ADGRL3: variants seen among roughly 807,000 people sequenced by gnomAD.
ADGRL3 encodes adhesion G protein-coupled receptor L3, also known as calcium-independent alpha-latrotoxin receptor 3.
Under a neutral mutation model 153.5 loss-of-function variants are expected in ADGRL3, and 62 were observed. That is an observed-to-expected ratio of 0.40 (90% CI 0.33 to 0.50). The LOEUF (loss-of-function observed/expected upper bound fraction) is 0.50. Among genes scored for constraint, ADGRL3 ranks in the 20% least tolerant of loss-of-function variants. The pLI, the probability that ADGRL3 is intolerant of heterozygous loss-of-function variation, is 0.47. For synonymous variants in ADGRL3, 710 were observed against 672.5 expected (o/e 1.06, Z -0.86); for missense variants, 1,641 against 1,859.4 (o/e 0.88, Z 2.16).
chr4:61,543,180 GAATC>G (rs1413078133), intron 4 of ADGRL3, among the ~76,000 whole-genome samples: 1 of 115,582 alleles, frequency 8.7e-6, no homozygotes, highest in African/African-American at 3.3e-5. Flanking sequence ...ATCCACATTT[GAATC>G]CCTGGAACCT....
chr4:61,717,780 T>A (rs2096151619), intron 6 of ADGRL3, among the ~76,000 whole-genome samples: 1 of 152,144 alleles, frequency 6.6e-6, no homozygotes, highest in Non-Finnish European at 1.5e-5. Context: ...ACACCTGTAA[T>A]CCCAGCACTT....
chr4:61,972,674 G>GT (rs2099033167), intron 17 of ADGRL3, among the ~76,000 whole-genome samples: 2 of 152,098 alleles, frequency 1.3e-5, no homozygotes, highest in Non-Finnish European at 1.5e-5. Flanking sequence ...CTTTAAAGTA[G>GT]TTTTTTCCAA....
At chr4:61,849,177 C>T (rs939605611) in intron 9 of ADGRL3, among the ~76,000 whole-genome samples, 2 of 152,100 alleles carry the variant, frequency 1.3e-5, no homozygotes, top group Non-Finnish European at 2.9e-5. Context: ...TAAGTTCTAT[C>T]GATCCTTTGC....
At chr4:61,765,297 T>C (rs570265602) in intron 8 of ADGRL3, among the ~76,000 whole-genome samples, 114 of 152,240 alleles carry the variant, frequency 7.5e-4, no homozygotes, top group African/African-American at 2.7e-3. Flanking sequence ...GTTGGTCTGG[T>C]GTCTGGAATG....
At chr4:61,272,029 T>G (rs1485848426) in intron 1 of ADGRL3, among the ~76,000 whole-genome samples, 1 of 152,006 alleles carries the variant, frequency 6.6e-6, no homozygotes, top group African/African-American at 2.4e-5. Context: ...AGTGTTTGAT[T>G]TTGTGAGGTC....
At chr4:61,993,282 T>C (rs1032620022) in intron 19 of ADGRL3, among the ~76,000 whole-genome samples, 1 of 145,426 alleles carries the variant, frequency 6.9e-6, no homozygotes, top group African/African-American at 2.5e-5. Flanking sequence ...TCTTTTTTTC[T>C]TTCTTTCCTT....
At chr4:61,242,524 C>T (rs1755406698) in intron 1 of ADGRL3, among the ~76,000 whole-genome samples, 1 of 151,970 alleles carries the variant, frequency 6.6e-6, no homozygotes, top group African/African-American at 2.4e-5. Context: ...TTAAACATTA[C>T]ATCCCCTATC....
At chr4:62,068,224 T>C in intron 26 of ADGRL3, 41 bp downstream of exon 26, 1 of 1,578,434 alleles carries the variant, frequency 6.3e-7, no homozygotes, top group Non-Finnish European at 8.6e-7. Flanking sequence ...AAATGTAATT[T>C]TTTTTAGTTC....
chr4:61,850,304 G>T (rs1338759981), intron 9 of ADGRL3, among the ~76,000 whole-genome samples: 1 of 151,944 alleles, frequency 6.6e-6, no homozygotes, highest in Non-Finnish European at 1.5e-5. Flanking sequence ...ATATCGGTTG[G>T]TGCAAAACAA....
chr4:61,916,978 A>G lies in ADGRL3; in HGVS notation c.2112+4221A>G, dbSNP rs964540024. ...CAAAAAAAAATAAAAATAAAAATAAATTTATTTATTAGGCATTAATTATGT... is the reference window on the plus strand; with the variant it reads ...CAAAAAAAAATAAAAATAAAAATAAGTTTATTTATTAGGCATTAATTATGT... On this transcript the variant is annotated intron_variant, in intron 13 of 26. Transcript: ENST00000683033. Among the ~76,000 whole-genome samples the G allele has an allele frequency of 2.0e-5, 3 of 152,192 alleles. No homozygotes were observed. The East Asian group carries it at 5.8e-4, about 29-fold the overall frequency.
intron 8 of ADGRL3, among the ~76,000 whole-genome samples, chr4:61,776,245 C>T (rs1243620467): frequency 6.6e-6 from 1 of 152,174 alleles, no homozygotes; most frequent in South Asian, 2.1e-4. Flanking sequence ...CTCTGCACGA[C>T]TCGGCGGCAG....
intron 9 of ADGRL3, among the ~76,000 whole-genome samples, chr4:61,850,258 T>C (rs1361376139): frequency 6.6e-6 from 1 of 152,140 alleles, no homozygotes; most frequent in Non-Finnish European, 1.5e-5. Flanking sequence ...TTTTCTCCAA[T>C]TTATAGGTAT....
chr4:61,270,711 C>T (rs2093123662), intron 1 of ADGRL3, among the ~76,000 whole-genome samples: 1 of 151,638 alleles, frequency 6.6e-6, no homozygotes, highest in Non-Finnish European at 1.5e-5. Context: ...GGAAAATATC[C>T]TCACACCTGC....
At chr4:61,641,210 A>C (rs990359789) in intron 5 of ADGRL3, among the ~76,000 whole-genome samples, 32 of 152,132 alleles carry the variant, frequency 2.1e-4, no homozygotes, top group Non-Finnish European at 3.2e-4. Context: ...TCATGATTAC[A>C]TGATGTGATG....
chr4:61,874,465 A>G (rs1162884404), intron 9 of ADGRL3, among the ~76,000 whole-genome samples: 3 of 152,174 alleles, frequency 2.0e-5, no homozygotes, highest in Admixed American at 1.3e-4. Context: ...TCTATAAGAT[A>G]TAAGCAAGTA....
intron 2 of ADGRL3, among the ~76,000 whole-genome samples, chr4:61,411,683 T>A (rs1391364687): frequency 6.6e-6 from 1 of 152,330 alleles, no homozygotes; most frequent in East Asian, 1.9e-4. Flanking sequence ...CCAGTTCTCT[T>A]AACTTTATTA....
In ADGRL3 at chr4:61,422,802, AATAG is replaced by A. The variant is rs199934489; in HGVS notation, c.-174+39617_-174+39620del. On this transcript the variant is annotated intron_variant, in intron 2 of 26. Coordinates refer to ENST00000683033, the MANE Select transcript of ADGRL3 (RefSeq NM_001387552.1). ...GTGTGAAGCTTCAAGAATATATATAAATAGATAAAAAATATAAATAATATATATT... is the reference window on the plus strand; with the variant it reads ...GTGTGAAGCTTCAAGAATATATATAAATAAAAAATATAAATAATATATATT... 8.3e-3 allele frequency among the ~76,000 whole-genome samples: 1,254 copies of A among 151,394 alleles called. 26 individuals carry two copies. The highest frequency in any genetic ancestry group is 0.029 in the African/African-American group (1,181 of 41,414).
intron 21 of ADGRL3, among the ~76,000 whole-genome samples, chr4:62,002,901 G>C (rs2099145506): frequency 1.3e-5 from 2 of 152,110 alleles, no homozygotes; most frequent in Admixed American, 6.6e-5. Flanking sequence ...TTAACTTACA[G>C]TATGGCTGAA....
chr4:61,390,488 A>G (rs903199677), intron 2 of ADGRL3, among the ~76,000 whole-genome samples: 1 of 152,188 alleles, frequency 6.6e-6, no homozygotes, highest in Non-Finnish European at 1.5e-5. Context: ...TAAACAGTGC[A>G]TTATTAGCTA....
Sources: gnomAD v4.1 joint callset for allele counts (sites outside exome capture counted in the v4.1 genomes callset) on GRCh38, gnomAD v4.1.1 for gene constraint, MANE v1.5 for transcripts, NCBI Gene and HGNC (gene_info 2026-07-23, HGNC 2026-07-21) for gene names.